Variants in DNAJC12 observed in about 807,000 individuals in gnomAD.
DNAJC12 encodes dnaJ homolog subfamily C member 12.
A neutral mutation model predicts 28.5 loss-of-function variants in DNAJC12; 25 were observed. The observed-to-expected ratio is 0.88, with a 90% confidence interval of 0.64 to 1.22. The LOEUF (loss-of-function observed/expected upper bound fraction) is 1.22. DNAJC12 is among the 50% of genes most tolerant of loss of function. The probability of loss-of-function intolerance (pLI) is 0.00; values close to 1 mark genes in which losing one functional copy is unlikely to be tolerated. For synonymous variants in DNAJC12, 77 were observed against 80.6 expected, an observed-to-expected ratio of 0.95 and a Z score of 0.24; for missense variants, 222 against 231.7, an observed-to-expected ratio of 0.96 and a Z score of 0.27.
Position 67,823,328 on chromosome 10 carries a change from T to C in DNAJC12, c.143A>G (p.Glu48Gly). 1.9e-6 allele frequency: 3 copies of C among 1,614,152 alleles called. No homozygotes were observed. The highest frequency in any genetic ancestry group is 2.5e-6 in the Non-Finnish European group (3 of 1,180,008). The change falls in exon 2 of 5, where the codon GAA becomes GGA. Residue 48 changes from glutamate (E) to glycine (G), a missense_variant. Glu to Gly is a moderately conservative substitution (Grantham distance 98). Coordinates refer to ENST00000225171, the MANE Select transcript of DNAJC12 (RefSeq NM_021800.3). ...ALECHPDKHPENPKAVETFQK... is the reference protein window; with the variant it reads ...ALECHPDKHPGNPKAVETFQK... ...TAAGTTCTTACCAGCTTTGGGGTTT[T>C]CAGGATGCTTGTCTGGGTGACATTC...
chr10:67,832,889 C>A (rs756128126), intron 1 of DNAJC12, among the ~76,000 whole-genome samples: 4 of 152,174 alleles, frequency 2.6e-5, no homozygotes, highest in Non-Finnish European at 5.9e-5. Context: ...TAAAGCACAT[C>A]CATTTCATGC....
intron 1 of DNAJC12, among the ~76,000 whole-genome samples, chr10:67,835,766 C>A (rs1353405217): frequency 1.4e-5 from 2 of 144,920 alleles, no homozygotes; most frequent in Non-Finnish European, 1.5e-5. Flanking sequence ...AAAGAAGTGA[C>A]AATATTATGA....
chr10:67,809,241 G>A (rs2131795616), intron 3 of DNAJC12, among the ~76,000 whole-genome samples: 1 of 152,098 alleles, frequency 6.6e-6, no homozygotes, highest in Non-Finnish European at 1.5e-5. Context: ...AATCCATGCT[G>A]CCATATATTT....
At chr10:67,836,710 T>A (rs1456480105) in intron 1 of DNAJC12, among the ~76,000 whole-genome samples, 1 of 152,078 alleles carries the variant, frequency 6.6e-6, no homozygotes, top group Non-Finnish European at 1.5e-5. Context: ...TTTCAACGTG[T>A]CTAAGATAAC....
chr10:67,834,836 TA>T (rs1304875831), intron 1 of DNAJC12, among the ~76,000 whole-genome samples: 4 of 151,074 alleles, frequency 2.6e-5, no homozygotes, highest in Non-Finnish European at 4.4e-5. Context: ...AACAAAAATT[TA>T]AAAAAAAAAT....
At chr10:67,802,499 T>C (rs1430798843) in intron 4 of DNAJC12, among the ~76,000 whole-genome samples, 1 of 152,238 alleles carries the variant, frequency 6.6e-6, no homozygotes. Flanking sequence ...TAACAATATG[T>C]AACATTTCTC....
At chr10:67,805,861 G>T in intron 3 of DNAJC12, 74 bp from the exon 4 acceptor site, 1 of 1,228,634 alleles carries the variant, frequency 8.1e-7, no homozygotes, top group Non-Finnish European at 1.1e-6. Flanking sequence ...AGTTTGATAT[G>T]TGGTAACACC....
At chr10:67,801,454 C>A (rs1250557737) in intron 4 of DNAJC12, among the ~76,000 whole-genome samples, 2 of 152,208 alleles carry the variant, frequency 1.3e-5, no homozygotes, top group African/African-American at 4.8e-5. Flanking sequence ...TAAATGCAAC[C>A]TTTGGCAGAA....
chr10:67,805,908 G>T, intron 3 of DNAJC12, 121 bp from the exon 4 acceptor site: 1 of 670,440 alleles, frequency 1.5e-6, no homozygotes, highest in South Asian at 3.0e-5. Flanking sequence ...CAGCATGTTA[G>T]ACTTGACTAT....
chr10:67,806,338 G>A (rs978200779), intron 3 of DNAJC12, among the ~76,000 whole-genome samples: 11 of 152,114 alleles, frequency 7.2e-5, no homozygotes, highest in Non-Finnish European at 1.6e-4. Context: ...CTAGCTCTCT[G>A]CCCTAATCAA....
chr10:67,827,276 A>C (rs1842046119), intron 1 of DNAJC12, among the ~76,000 whole-genome samples: 1 of 151,762 alleles, frequency 6.6e-6, no homozygotes, highest in South Asian at 2.1e-4. Context: ...AATCCCAGTT[A>C]CTCAGGAGGC....
chr10:67,833,103 G>A (rs1006076199), intron 1 of DNAJC12, among the ~76,000 whole-genome samples: 6 of 152,308 alleles, frequency 3.9e-5, no homozygotes, highest in African/African-American at 1.4e-4. Context: ...GTCATTAAGG[G>A]TTAAGCGTAA....
intron 4 of DNAJC12, among the ~76,000 whole-genome samples, chr10:67,797,816 G>A (rs550885421): frequency 2.1e-4 from 32 of 152,184 alleles, no homozygotes; most frequent in African/African-American, 7.0e-4. Flanking sequence ...CAAGGCGGGC[G>A]GATCACGAGG....
chr10:67,828,524 A>T (rs552426366), intron 1 of DNAJC12, among the ~76,000 whole-genome samples: 1 of 152,250 alleles, frequency 6.6e-6, no homozygotes, highest in East Asian at 1.9e-4. Context: ...TCCTGTTAGG[A>T]ACTGTAATTA....
intron 2 of DNAJC12, among the ~76,000 whole-genome samples, chr10:67,815,443 G>A (rs1378677471): frequency 1.3e-5 from 2 of 149,248 alleles, no homozygotes; most frequent in Admixed American, 6.7e-5. Flanking sequence ...AGGAGGTGGA[G>A]GTTTCGGTGA....
At position 67,811,094 on chromosome 10, in the gene DNAJC12, C is replaced by G. The variant is rs1841853889; in HGVS notation, c.297+430G>C. 2 of 169,778 alleles carry G rather than the reference C, an allele frequency of 1.2e-5. 1 individual carries two copies. The highest frequency in any genetic ancestry group is 3.9e-4 in the South Asian group (2 of 5,084). The allele number at this position is 169,778 out of a possible 1,614,324, so 10.5% of individuals were successfully genotyped here. A position where few individuals can be genotyped will look rare whatever the true frequency, so the allele number is the denominator to read the frequency against. On this transcript the variant is annotated intron_variant, in intron 3 of 4. Coordinates refer to ENST00000225171, the MANE Select transcript of DNAJC12 (RefSeq NM_021800.3). ...TAATAGGAATAATTCATGGCTTTCTCTGACTAATCAGATCCTGCCTTTTTA... is the reference window on the plus strand; with the variant it reads ...TAATAGGAATAATTCATGGCTTTCTGTGACTAATCAGATCCTGCCTTTTTA...
Position 67,797,882 on chromosome 10 carries a change from T to A in DNAJC12, c.503-672A>T, listed in dbSNP as rs1460007763. On this transcript the variant is annotated intron_variant, in intron 4 of 4. Coordinates refer to ENST00000225171, the MANE Select transcript of DNAJC12 (RefSeq NM_021800.3). ...GGTGAAACCCCGTCTCTACTAAAAA[T>A]ACAAAAAATTAGCCGGGCGTGGTGG... is the stretch of plus-strand genomic sequence containing the variant. Among the ~76,000 whole-genome samples the A allele has an allele frequency of 2.0e-5, 3 of 151,622 alleles. No individual in the cohort carries two copies. The East Asian group carries it at 5.8e-4, about 29-fold the overall frequency.
At chr10:67,820,795 T>C (rs74887580) in intron 2 of DNAJC12, among the ~76,000 whole-genome samples, 2 of 146,450 alleles carry the variant, frequency 1.4e-5, no homozygotes, top group Admixed American at 1.4e-4. Context: ...TTTTTTTTTT[T>C]TTTTTGAGAT....
At chr10:67,808,679 C>T (rs185800437) in intron 3 of DNAJC12, 2 of 152,148 alleles carry the variant, frequency 1.3e-5, no homozygotes, top group Admixed American at 1.3e-4. Flanking sequence ...ATTGGCACAA[C>T]ATTTTTTTAA....
Sources: allele counts gnomAD v4.1 joint callset (sites outside exome capture counted in the v4.1 genomes callset), GRCh38; gene constraint gnomAD v4.1.1; transcripts MANE v1.5; gene names NCBI Gene and HGNC (gene_info 2026-07-23, HGNC 2026-07-21).